The following TNR variants were observed in gnomAD, a reference collection of about 807,000 sequenced individuals.
The protein encoded by TNR is tenascin R.
TNR carries 45 observed loss-of-function variants against 150.4 expected under a neutral mutation model. The observed-to-expected ratio is 0.30, with a 90% CI of 0.24 to 0.38. TNR has a LOEUF of 0.38. Ranked by LOEUF, TNR falls within the 10% of genes least tolerant of loss-of-function variation. TNR has a pLI of 1.00. For missense variants in TNR, 1,544 were observed against 1,759.1 expected, an observed-to-expected ratio of 0.88 and a Z score of 2.19; for synonymous variants, 687 against 678.4, an observed-to-expected ratio of 1.01 and a Z score of -0.20.
At chr1:175,469,015 G>A (rs1233735545) in intron 2 of TNR, among the ~76,000 whole-genome samples, 1 of 152,122 alleles carries the variant, frequency 6.6e-6, no homozygotes, top group African/African-American at 2.4e-5. Context: ...GCAGAAAATA[G>A]GCCTGAGGGA....
chr1:175,645,212 CTA>C (rs1428428638), intron 1 of TNR, among the ~76,000 whole-genome samples: 1 of 152,158 alleles, frequency 6.6e-6, no homozygotes, highest in Non-Finnish European at 1.5e-5. Context: ...ACTTTCAAAA[CTA>C]TTTTAATCAA....
At chr1:175,696,588 A>G (rs1181886757) in intron 1 of TNR, among the ~76,000 whole-genome samples, 1 of 152,252 alleles carries the variant, frequency 6.6e-6, no homozygotes, top group Non-Finnish European at 1.5e-5. Context: ...GAGCAACCCT[A>G]GAGGAGAAGG....
At chr1:175,492,096 C>T (rs1658285199) in intron 2 of TNR, among the ~76,000 whole-genome samples, 1 of 152,168 alleles carries the variant, frequency 6.6e-6, no homozygotes, top group African/African-American at 2.4e-5. Context: ...GTAACTATTT[C>T]CATAAACAAC....
intron 1 of TNR, among the ~76,000 whole-genome samples, chr1:175,579,879 C>T (rs975248303): frequency 6.6e-6 from 1 of 152,104 alleles, no homozygotes; most frequent in South Asian, 2.1e-4. Context: ...CTTCTTCCTT[C>T]CCTTTCCCTT....
chr1:175,630,769 A>G (rs1269891147), intron 1 of TNR, among the ~76,000 whole-genome samples: 3 of 152,140 alleles, frequency 2.0e-5, no homozygotes, highest in South Asian at 4.1e-4. Flanking sequence ...CACTAAATTT[A>G]CTTGTGCTCC....
At chr1:175,555,187 T>C (rs551907852) in intron 1 of TNR, among the ~76,000 whole-genome samples, 5 of 152,278 alleles carry the variant, frequency 3.3e-5, no homozygotes, top group Admixed American at 1.3e-4. Context: ...AGATATTCCA[T>C]GGGTCCCTGC....
At chr1:175,565,583 A>T (rs1447730494) in intron 1 of TNR, among the ~76,000 whole-genome samples, 1 of 152,170 alleles carries the variant, frequency 6.6e-6, no homozygotes, top group African/African-American at 2.4e-5. Flanking sequence ...ACACTTATAC[A>T]TTGTTGGCAT....
At chr1:175,573,201 C>T (rs1661956785) in intron 1 of TNR, among the ~76,000 whole-genome samples, 1 of 152,226 alleles carries the variant, frequency 6.6e-6, no homozygotes, top group Admixed American at 6.5e-5. Context: ...ACTCCACCAG[C>T]TACTCTCTGA....
intron 2 of TNR, among the ~76,000 whole-genome samples, chr1:175,460,014 G>T (rs1464503705): frequency 6.6e-6 from 1 of 152,148 alleles, no homozygotes; most frequent in Admixed American, 6.5e-5. Flanking sequence ...TATATTCTCT[G>T]TATTTCTAAC....
intron 2 of TNR, among the ~76,000 whole-genome samples, chr1:175,489,185 C>T (rs945146141): frequency 1.3e-5 from 2 of 152,194 alleles, no homozygotes; most frequent in Non-Finnish European, 2.9e-5. Context: ...AGTCCAAGAT[C>T]ACCCGGGGCC....
intron 1 of TNR, among the ~76,000 whole-genome samples, chr1:175,559,871 T>C (rs530805760): frequency 6.6e-6 from 1 of 152,344 alleles, no homozygotes; most frequent in South Asian, 2.1e-4. Context: ...AGTCATTGCC[T>C]AGTTACTCTT....
chr1:175,424,348 C>A (rs1388654546), intron 2 of TNR, among the ~76,000 whole-genome samples: 1 of 152,186 alleles, frequency 6.6e-6, no homozygotes, highest in Non-Finnish European at 1.5e-5. Context: ...GGGAGCTGGG[C>A]AGTTCCCAAC....
chr1:175,501,691 C>T (rs542020260), intron 2 of TNR, among the ~76,000 whole-genome samples: 1 of 152,354 alleles, frequency 6.6e-6, no homozygotes, highest in Non-Finnish European at 1.5e-5. Context: ...TTCCTTCCTT[C>T]TTCTTAACTT....
intron 1 of TNR, among the ~76,000 whole-genome samples, chr1:175,693,455 G>A (rs150948080): frequency 3.9e-5 from 6 of 152,278 alleles, no homozygotes; most frequent in Non-Finnish European, 5.9e-5. Flanking sequence ...CTAGAGCCCC[G>A]TCTCCATTGA....
At chr1:175,342,468 G>A (rs1334032861) in intron 18 of TNR, among the ~76,000 whole-genome samples, 2 of 152,170 alleles carry the variant, frequency 1.3e-5, no homozygotes, top group African/African-American at 4.8e-5. Context: ...GAGAGTGCTG[G>A]GGAGGTAAGC....
intron 1 of TNR, among the ~76,000 whole-genome samples, chr1:175,569,961 G>T (rs757521655): frequency 2.0e-5 from 3 of 152,092 alleles, no homozygotes; most frequent in Non-Finnish European, 4.4e-5. Flanking sequence ...ATAAACAATG[G>T]CTGTACATTT....
intron 1 of TNR, among the ~76,000 whole-genome samples, chr1:175,576,902 G>C (rs1187663777): frequency 6.6e-6 from 1 of 152,178 alleles, no homozygotes; most frequent in Non-Finnish European, 1.5e-5. Flanking sequence ...TCTACTCTGT[G>C]TATGATAATT....
chr1:175,524,474 A>G (rs1659774175), intron 2 of TNR, among the ~76,000 whole-genome samples: 2 of 152,038 alleles, frequency 1.3e-5, no homozygotes, highest in African/African-American at 4.8e-5. Context: ...AAGAAAAAGA[A>G]CTTACAGAGA....
chr1:175,742,995 C>CACACACACA (rs1491058891), intron 1 of TNR, among the ~76,000 whole-genome samples: 2 of 150,636 alleles, frequency 1.3e-5, no homozygotes, highest in African/African-American at 2.5e-5. Context: ...CACACACACA[C>CACACACACA]CCGCAAGGCC....
Sources: gnomAD v4.1 joint callset for allele counts (sites outside exome capture counted in the v4.1 genomes callset) on GRCh38, gnomAD v4.1.1 for gene constraint, MANE v1.5 for transcripts, NCBI Gene and HGNC (gene_info 2026-07-23, HGNC 2026-07-21) for gene names.